Variants in PPARGC1A observed in about 807,000 individuals in gnomAD.
PPARGC1A encodes PPARG coactivator 1 alpha, also known as peroxisome proliferator-activated receptor gamma coactivator 1-alpha.
In PPARGC1A, 25 loss-of-function variants were observed where a neutral mutation model predicts 88.7. That is an observed-to-expected ratio of 0.28 (90% CI 0.21 to 0.39). The LOEUF (loss-of-function observed/expected upper bound fraction) is 0.39, where lower values mean the gene tolerates loss of function less well. PPARGC1A is among the 10% of genes least tolerant of loss of function. PPARGC1A has a pLI of 1.00. For synonymous variants in PPARGC1A, 363 were observed against 355.6 expected (o/e 1.02, Z -0.24); for missense variants, 880 against 968.7 (o/e 0.91, Z 1.22).
intron 2 of PPARGC1A, among the ~76,000 whole-genome samples, chr4:23,863,634 T>C (rs28579569): frequency 0.17 from 25,511 of 152,122 alleles, 2,208 homozygotes; most frequent in Admixed American, 0.21. Context: ...TCCGTGCACA[T>C]AGTAGGTGAT....
intron 2 of PPARGC1A, among the ~76,000 whole-genome samples, chr4:23,860,688 C>G (rs575772911): frequency 6.6e-6 from 1 of 152,142 alleles, no homozygotes; most frequent in African/African-American, 2.4e-5. Flanking sequence ...CCTGATAATC[C>G]TTCAAAAAAT....
At chr4:23,907,040 T>C (rs12108344), upstream of PPARGC1A, among the ~76,000 whole-genome samples, 4,400 of 152,188 alleles carry the variant, frequency 0.029, 202 homozygotes, top group African/African-American at 0.099. Flanking sequence ...TATCACTCAA[T>C]AGGGCAGTAT....
chr4:24,249,508 G>A, the PPARGC1A span, among the ~76,000 whole-genome samples: 1 of 152,180 alleles, frequency 6.6e-6, no homozygotes, highest in African/African-American at 2.4e-5. Context: ...GTGGGCAGTG[G>A]CATTTGATGA....
At chr4:24,442,206 CTT>C in the PPARGC1A span, among the ~76,000 whole-genome samples, 2 of 152,108 alleles carry the variant, frequency 1.3e-5, no homozygotes, top group African/African-American at 2.4e-5. Context: ...ACTAAATATT[CTT>C]GTTATCTCTA....
At chr4:24,133,309 C>CA in the PPARGC1A span, among the ~76,000 whole-genome samples, 1 of 152,140 alleles carries the variant, frequency 6.6e-6, no homozygotes, top group Non-Finnish European at 1.5e-5. Context: ...ATATTTATGC[C>CA]AAAAACCAGC....
the PPARGC1A span, among the ~76,000 whole-genome samples, chr4:24,249,830 G>T: frequency 6.6e-6 from 1 of 152,132 alleles, no homozygotes; most frequent in African/African-American, 2.4e-5. Context: ...CAGGTGAAGG[G>T]GGTTGCTGTA....
At chr4:24,367,815 T>A in the PPARGC1A span, among the ~76,000 whole-genome samples, 1 of 152,144 alleles carries the variant, frequency 6.6e-6, no homozygotes, top group African/African-American at 2.4e-5. Context: ...TGGTGCTTGA[T>A]GAGGTAGGTG....
the PPARGC1A span, among the ~76,000 whole-genome samples, chr4:24,133,190 G>T: frequency 6.6e-6 from 1 of 152,068 alleles, no homozygotes; most frequent in Non-Finnish European, 1.5e-5. Flanking sequence ...TCCCCCCTGG[G>T]GGGTGGTGGT....
intron 2 of PPARGC1A, among the ~76,000 whole-genome samples, chr4:23,832,737 G>C (rs1725264769): frequency 6.6e-6 from 1 of 151,400 alleles, no homozygotes; most frequent in South Asian, 2.1e-4. Flanking sequence ...AGCCTCCCGA[G>C]TAGCTGGGAC....
the PPARGC1A span, among the ~76,000 whole-genome samples, chr4:24,413,003 C>T: frequency 6.6e-6 from 1 of 152,184 alleles, no homozygotes; most frequent in East Asian, 1.9e-4. Flanking sequence ...TCCTAGGCTT[C>T]GTAATGGTTT....
At chr4:24,134,036 A>G in the PPARGC1A span, among the ~76,000 whole-genome samples, 1 of 152,316 alleles carries the variant, frequency 6.6e-6, no homozygotes, top group Non-Finnish European at 1.5e-5. Context: ...ATTCAACAAC[A>G]CAGGTGAAAG....
the PPARGC1A span, among the ~76,000 whole-genome samples, chr4:23,964,671 G>A: frequency 3.9e-5 from 6 of 152,262 alleles, no homozygotes; most frequent in Non-Finnish European, 8.8e-5. Context: ...GAAGGGATGA[G>A]ATCACACAGG....
At chr4:24,160,907 G>C in the PPARGC1A span, among the ~76,000 whole-genome samples, 1 of 152,156 alleles carries the variant, frequency 6.6e-6, no homozygotes, top group Admixed American at 6.5e-5. Context: ...ATGTGATACA[G>C]GGTTGGCTGA....
chr4:24,379,684 A>G, the PPARGC1A span, among the ~76,000 whole-genome samples: 2 of 152,010 alleles, frequency 1.3e-5, no homozygotes, highest in Non-Finnish European at 2.9e-5. Context: ...AAAAGAAATA[A>G]TTATCTATAA....
chr4:24,299,389 G>A, the PPARGC1A span, among the ~76,000 whole-genome samples: 2 of 152,152 alleles, frequency 1.3e-5, no homozygotes, highest in Non-Finnish European at 2.9e-5. Flanking sequence ...TCTTGTGCAT[G>A]AGCCTTACTG....
At chr4:24,332,720 T>A in the PPARGC1A span, among the ~76,000 whole-genome samples, 3 of 152,132 alleles carry the variant, frequency 2.0e-5, no homozygotes, top group Admixed American at 6.5e-5. Context: ...CCGAAATACA[T>A]AATAGGCAAG....
At chr4:24,149,002 T>C in the PPARGC1A span, among the ~76,000 whole-genome samples, 2,282 of 152,312 alleles carry the variant, frequency 0.015, 67 homozygotes, top group African/African-American at 0.052. Context: ...CAAATCATAC[T>C]GCATCCAAAT....
chr4:24,247,885 C>T, the PPARGC1A span, among the ~76,000 whole-genome samples: 1 of 152,166 alleles, frequency 6.6e-6, no homozygotes, highest in Non-Finnish European at 1.5e-5. Flanking sequence ...AAGAACTGGT[C>T]TTCTGTTTCT....
chr4:24,354,208 T>C, the PPARGC1A span, among the ~76,000 whole-genome samples: 1 of 152,182 alleles, frequency 6.6e-6, no homozygotes, highest in African/African-American at 2.4e-5. Flanking sequence ...CTAGGAAATA[T>C]GCTCCAATTT....
Sources: gnomAD v4.1 joint callset for allele counts (sites outside exome capture counted in the v4.1 genomes callset) on GRCh38, gnomAD v4.1.1 for gene constraint, MANE v1.5 for transcripts, NCBI Gene and HGNC (gene_info 2026-07-23, HGNC 2026-07-21) for gene names.